The following PHF14 variants were observed in gnomAD, a reference collection of about 807,000 sequenced individuals.
PHF14 encodes the protein PHD finger protein 14.
PHF14 carries 55 observed loss-of-function variants against 117.9 expected under a neutral mutation model. The ratio of observed to expected loss-of-function variants is 0.47; its 90% CI spans 0.38 to 0.58. The LOEUF is 0.58. Among genes scored for constraint, PHF14 ranks in the 20% least tolerant of loss-of-function variants. PHF14 has a pLI of 0.00. For synonymous variants in PHF14, 409 were observed against 368.6 expected, an observed-to-expected ratio of 1.11 and a Z score of -1.26; for missense variants, 978 against 1,122.2, an observed-to-expected ratio of 0.87 and a Z score of 1.84.
intron 17 of PHF14, among the ~76,000 whole-genome samples, chr7:11,142,455 A>G (rs1297388087): frequency 1.3e-5 from 2 of 152,104 alleles, no homozygotes; most frequent in Admixed American, 6.6e-5. Flanking sequence ...TATCAGCTAT[A>G]ATTCATCGCT....
chr7:11,051,624 A>G lies in PHF14; in HGVS notation c.2325A>G (p.Glu775=), dbSNP rs1370731885. The G allele has an allele frequency of 1.2e-6, 2 of 1,612,316 alleles. No homozygotes were observed. The highest frequency in any genetic ancestry group is 2.7e-5 in the African/African-American group (2 of 74,906). ...KTKNSYWQCS[E]CDQAGSSDME... Reference sequence around the variant, plus strand: ...CCCCTTTATGTAGGCAGTGCTCGGAATGTGACCAGGCAGGGAGCAGTGACA... The same window carrying G: ...CCCCTTTATGTAGGCAGTGCTCGGAGTGTGACCAGGCAGGGAGCAGTGACA... Residue 775 remains glutamate (E), a synonymous_variant, in exon 14 of 18, where the codon GAA becomes GAG. Transcript: ENST00000634607.
intron 4 of PHF14, among the ~76,000 whole-genome samples, chr7:10,997,235 A>G (rs1030008165): frequency 2.5e-4 from 38 of 152,196 alleles, no homozygotes; most frequent in African/African-American, 9.2e-4. Context: ...AAAAGACATT[A>G]TTACTGAGAA....
At position 11,051,735 on chromosome 7, in the gene PHF14, A is replaced by G; in HGVS notation, c.2436A>G (p.Pro812=). 1.2e-6 allele frequency: 2 copies of G among 1,613,702 alleles called. No homozygotes were observed. Among genetic ancestry groups the G allele is most frequent in the Non-Finnish European group, 1.7e-6 (2 of 1,179,694 alleles). The part of the protein sequence containing the change: ...RQIKEPVKFV[P]QDVPPEPKKI... ...TTAAGGAACCAGTGAAATTTGTTCC[A>G]CAGGATGTGCCACCAGAACCCAAGA... Residue 812 remains proline (P), a synonymous_variant, in exon 14 of 18, where the codon CCA becomes CCG. Transcript: ENST00000634607.
chr7:11,040,454 A>G (rs564264426), intron 11 of PHF14, among the ~76,000 whole-genome samples: 3 of 151,990 alleles, frequency 2.0e-5, no homozygotes, highest in Admixed American at 6.6e-5. Context: ...TTAGTGTACC[A>G]CTGAAAATTG....
intron 17 of PHF14, among the ~76,000 whole-genome samples, chr7:11,143,990 T>C (rs778051435): frequency 3.9e-5 from 6 of 152,072 alleles, no homozygotes; most frequent in Non-Finnish European, 5.9e-5. Flanking sequence ...CAGTAAGTGC[T>C]CTGTAGAACA....
intron 3 of PHF14, among the ~76,000 whole-genome samples, chr7:10,989,466 C>T (rs1260630206): frequency 2.0e-5 from 3 of 151,904 alleles, no homozygotes; most frequent in Admixed American, 1.3e-4. Context: ...GACCCAAGTG[C>T]CATCTTTTAT....
In PHF14 at chr7:10,975,095, T is replaced by A. The variant is rs1354184514; in HGVS notation, c.112+150T>A. On this transcript the variant is annotated intron_variant, in intron 2 of 17. Coordinates refer to ENST00000634607, the MANE Select transcript of PHF14 (RefSeq NM_001007157.2). ...TGTCCATTTGATTTCCCATTTTGCC[T>A]TTAGATCCTGTCACTAGACCTATAA... The A allele has an allele frequency of 4.7e-6, 3 of 641,356 alleles. No individual in the cohort carries two copies. The Admixed American group carries it at 9.2e-5, about 20-fold the overall frequency. 39.7% of individuals were successfully genotyped at this position (641,356 alleles called of 1,614,324 possible).
intron 16 of PHF14, among the ~76,000 whole-genome samples, chr7:11,096,560 T>C (rs1446775021): frequency 6.6e-6 from 1 of 152,184 alleles, no homozygotes; most frequent in Non-Finnish European, 1.5e-5. Flanking sequence ...TCATATCGTA[T>C]GTTGCTTTAA....
intron 3 of PHF14, among the ~76,000 whole-genome samples, chr7:10,983,555 A>G (rs1447762024): frequency 6.6e-6 from 1 of 152,152 alleles, no homozygotes; most frequent in Non-Finnish European, 1.5e-5. Flanking sequence ...CCATATCCAT[A>G]TTAAAATATA....
intron 16 of PHF14, chr7:11,103,706 G>A (rs1454238490): frequency 1.0e-6 from 1 of 983,750 alleles, no homozygotes; most frequent in African/African-American, 1.8e-5. Flanking sequence ...GAATAGAGTA[G>A]GTAATGTTAT....
intron 17 of PHF14, among the ~76,000 whole-genome samples, chr7:11,167,653 A>G (rs1394477679): frequency 6.6e-6 from 1 of 152,186 alleles, no homozygotes; most frequent in Non-Finnish European, 1.5e-5. Context: ...CTGCTGATTT[A>G]ACACTTTCTA....
intron 16 of PHF14, among the ~76,000 whole-genome samples, chr7:11,064,326 T>C (rs114952973): frequency 0.015 from 2,356 of 152,072 alleles, 61 homozygotes; most frequent in African/African-American, 0.054. Context: ...GTCTACACTT[T>C]TTTATTACAT....
Position 11,106,922 on chromosome 7 carries a change from G to C in PHF14, c.2655-4428G>C, listed in dbSNP as rs950586134. 1.2e-5 allele frequency: 12 copies of C among 983,458 alleles called. No homozygotes were observed. The African/African-American group carries it at 1.9e-4, about 16-fold the overall frequency. The allele number at this position is 983,458 out of a possible 1,614,324, so 60.9% of individuals were successfully genotyped here. ...GGGCTACAAGTAAAATGTTCCATTG[G>C]CATAAAAGATAATGTGATTATCACA... On this transcript the variant is annotated intron_variant, in intron 16 of 17. Coordinates refer to ENST00000634607, the MANE Select transcript of PHF14 (RefSeq NM_001007157.2).
intron 17 of PHF14, among the ~76,000 whole-genome samples, chr7:11,128,371 A>G (rs1008177294): frequency 6.6e-6 from 1 of 152,014 alleles, no homozygotes; most frequent in Non-Finnish European, 1.5e-5. Context: ...CCTTAAAAAA[A>G]GTCTTTGTTA....
At chr7:11,163,275 G>T (rs533701876) in intron 17 of PHF14, among the ~76,000 whole-genome samples, 335 of 152,228 alleles carry the variant, frequency 2.2e-3, no homozygotes, top group African/African-American at 7.5e-3. Flanking sequence ...TATGCAACTT[G>T]TATCATACAA....
At chr7:11,123,883 A>C (rs1241793033) in intron 17 of PHF14, among the ~76,000 whole-genome samples, 2 of 150,486 alleles carry the variant, frequency 1.3e-5, no homozygotes, top group Non-Finnish European at 3.0e-5. Flanking sequence ...GTGCCACTAC[A>C]CTCCACCCTG....
chr7:11,138,806 T>C (rs1788319705), intron 17 of PHF14, among the ~76,000 whole-genome samples: 2 of 152,206 alleles, frequency 1.3e-5, no homozygotes, highest in South Asian at 4.1e-4. Flanking sequence ...ACTTCTGTTA[T>C]TTTATACTCA....
rs1401289400 is a variant in PHF14 at position 11,122,382 on chromosome 7, CACAT to C, written c.2772+10923_2772+10926del. Among the ~76,000 whole-genome samples the C allele has an allele frequency of 5.5e-4, 67 of 120,918 alleles. 1 individual carries two copies. The highest frequency in any genetic ancestry group is 8.6e-4 in the Non-Finnish European group (50 of 58,160). 79.3% of individuals were successfully genotyped at this position (120,918 alleles called of 152,430 possible). On this transcript the variant is annotated intron_variant, in intron 17 of 17. Transcript: ENST00000634607. ...ACACACACACACACACACACACACA[CACAT>C]ACATACACACACATATATATATACA...
intron 16 of PHF14, chr7:11,104,380 T>C (rs1787187384): frequency 2.1e-6 from 2 of 961,890 alleles, no homozygotes; most frequent in African/African-American, 1.8e-5. Context: ...AATAGAATAC[T>C]TTCTCCTAAT....
Sources: gnomAD v4.1 joint callset for allele counts (sites outside exome capture counted in the v4.1 genomes callset) on GRCh38, gnomAD v4.1.1 for gene constraint, MANE v1.5 for transcripts, NCBI Gene and HGNC (gene_info 2026-07-23, HGNC 2026-07-21) for gene names.